Variants in CDH13 observed in about 807,000 individuals in gnomAD.
CDH13 encodes cadherin 13, also known as cadherin-13.
In CDH13, 24 loss-of-function variants were observed where a neutral mutation model predicts 63.8. The observed-to-expected ratio is 0.38, with a 90% CI of 0.27 to 0.53. CDH13 has a LOEUF of 0.53. CDH13 is among the 20% of genes least tolerant of loss of function. The pLI, the probability that CDH13 is intolerant of heterozygous loss-of-function variation, is 0.85. For missense variants in CDH13, 1,049 were observed against 903.1 expected, an observed-to-expected ratio of 1.16 and a Z score of -2.07; for synonymous variants, 503 against 355.3, an observed-to-expected ratio of 1.42 and a Z score of -4.67.
At chr16:83,564,121 C>T (rs951971784) in intron 7 of CDH13, among the ~76,000 whole-genome samples, 6 of 152,150 alleles carry the variant, frequency 3.9e-5, no homozygotes, top group Admixed American at 2.0e-4. Context: ...AGTAAGTGTT[C>T]AACATCTGAG....
At chr16:83,706,878 A>G (rs149048107) in intron 10 of CDH13, among the ~76,000 whole-genome samples, 11 of 152,180 alleles carry the variant, frequency 7.2e-5, no homozygotes, top group African/African-American at 2.4e-4. Flanking sequence ...CTCTGAAAAC[A>G]TTGTACGCTC....
At chr16:83,513,432 T>G (rs1364866421) in intron 7 of CDH13, among the ~76,000 whole-genome samples, 1 of 152,160 alleles carries the variant, frequency 6.6e-6, no homozygotes, top group Non-Finnish European at 1.5e-5. Flanking sequence ...AGTTAGCATA[T>G]TAGTTTGTTC....
chr16:82,792,940 T>C (rs1438099909), intron 1 of CDH13, among the ~76,000 whole-genome samples: 3 of 152,210 alleles, frequency 2.0e-5, no homozygotes, highest in South Asian at 2.1e-4. Context: ...GACGACAGCA[T>C]TGGACTGTTA....
intron 7 of CDH13, among the ~76,000 whole-genome samples, chr16:83,576,674 C>A (rs1938920321): frequency 6.6e-6 from 1 of 152,198 alleles, no homozygotes; most frequent in Non-Finnish European, 1.5e-5. Flanking sequence ...TTGCTATTTT[C>A]TGTTGTTGCT....
At chr16:82,952,651 A>G (rs1905461136) in intron 2 of CDH13, among the ~76,000 whole-genome samples, 1 of 152,182 alleles carries the variant, frequency 6.6e-6, no homozygotes, top group Admixed American at 6.5e-5. Flanking sequence ...CAGATGATTC[A>G]ATTCTCATAC....
chr16:83,682,964 C>A lies in CDH13; in HGVS notation c.1538+4503C>A, dbSNP rs917254321. On this transcript the variant is annotated intron_variant, in intron 10 of 13. Transcript: ENST00000567109. ...CCCACTGAAACTTAGGAACGCACTTCCAGCTAAGTCCAACTCCTGGGCCAC... is the reference window on the plus strand; with the variant it reads ...CCCACTGAAACTTAGGAACGCACTTACAGCTAAGTCCAACTCCTGGGCCAC... Among the ~76,000 whole-genome samples the A allele has an allele frequency of 6.6e-5, 10 of 152,324 alleles. No homozygotes were observed. In the East Asian group the frequency reaches 1.7e-3, roughly 27 times the overall value.
intron 4 of CDH13, among the ~76,000 whole-genome samples, chr16:83,179,481 T>TAAAAAAAAAAAAAAAAAAAAAAAAAAAA (rs565547312): frequency 1.2e-4 from 8 of 69,080 alleles, no homozygotes; most frequent in South Asian, 4.8e-4. Flanking sequence ...CCGTCTCTAC[T>TAAAAAAAAAAAAAAAAAAAAAAAAAAAA]AAAAAAAAAA....
chr16:82,856,985 C>T (rs1357933079), intron 1 of CDH13, among the ~76,000 whole-genome samples: 1 of 152,194 alleles, frequency 6.6e-6, no homozygotes, highest in Non-Finnish European at 1.5e-5. Flanking sequence ...AATTTCCAAA[C>T]ACTCTCTTCT....
chr16:83,329,624 A>T (rs2090439878), intron 5 of CDH13, among the ~76,000 whole-genome samples: 1 of 152,104 alleles, frequency 6.6e-6, no homozygotes. Context: ...TGCTATTGTG[A>T]AACACATCTC....
intron 1 of CDH13, among the ~76,000 whole-genome samples, chr16:82,760,979 C>T (rs2034816170): frequency 6.7e-6 from 1 of 149,518 alleles, no homozygotes; most frequent in African/African-American, 2.5e-5. Context: ...CTCCCACCAG[C>T]CTCCACCTCC....
rs911668655 is a variant in CDH13 at position 83,147,706 on chromosome 16, G to A, written c.483+22205G>A. 7.9e-5 allele frequency among the ~76,000 whole-genome samples: 12 copies of A among 151,914 alleles called. No individual in the cohort carries two copies. In the South Asian group the frequency reaches 8.3e-4, roughly 11 times the overall value. On this transcript the variant is annotated intron_variant, in intron 4 of 13. Coordinates refer to ENST00000567109, the MANE Select transcript of CDH13 (RefSeq NM_001257.5). ...TCCTTTGCCTTTCCACCCCACTTGC[G>A]TTCCACCCCTAGGTTGCTACACATT... is the stretch of plus-strand genomic sequence containing the variant.
At chr16:83,350,304 G>A (rs1195263026) in intron 6 of CDH13, among the ~76,000 whole-genome samples, 2 of 152,202 alleles carry the variant, frequency 1.3e-5, no homozygotes, top group Non-Finnish European at 2.9e-5. Context: ...GGGCAGCTTT[G>A]AGAAAGATAG....
At chr16:82,998,030 G>T (rs1051849178) in intron 2 of CDH13, among the ~76,000 whole-genome samples, 1 of 152,174 alleles carries the variant, frequency 6.6e-6, no homozygotes, top group Non-Finnish European at 1.5e-5. Context: ...GAATCTCAGA[G>T]TTGAGCACTC....
chr16:83,162,783 A>G (rs1432439693), intron 4 of CDH13, among the ~76,000 whole-genome samples: 4 of 151,994 alleles, frequency 2.6e-5, no homozygotes, highest in African/African-American at 9.7e-5. Flanking sequence ...TTTGTGGCAA[A>G]CTCCCCAGGT....
intron 3 of CDH13, among the ~76,000 whole-genome samples, chr16:83,063,719 GT>G (rs1454535401): frequency 6.6e-6 from 1 of 152,158 alleles, no homozygotes; most frequent in Non-Finnish European, 1.5e-5. Context: ...TTCTGTTTTA[GT>G]TTTGGAGGCC....
chr16:82,656,854 T>G (rs1046303235), intron 1 of CDH13, among the ~76,000 whole-genome samples: 4 of 152,112 alleles, frequency 2.6e-5, no homozygotes, highest in Non-Finnish European at 5.9e-5. Context: ...CTTTTCAAAT[T>G]AGCTTCCTTC....
intron 7 of CDH13, among the ~76,000 whole-genome samples, chr16:83,526,637 G>C (rs951226479): frequency 6.6e-6 from 1 of 152,198 alleles, no homozygotes; most frequent in Non-Finnish European, 1.5e-5. Flanking sequence ...ACTAGTTCTG[G>C]TCCGTGGCCC....
chr16:83,489,327 A>G (rs1410328872), intron 7 of CDH13, among the ~76,000 whole-genome samples: 1 of 152,190 alleles, frequency 6.6e-6, no homozygotes, highest in Non-Finnish European at 1.5e-5. Context: ...TAGTCACAAA[A>G]CATCAACAGC....
At chr16:83,385,479 G>C (rs1054649962) in intron 6 of CDH13, among the ~76,000 whole-genome samples, 6 of 152,146 alleles carry the variant, frequency 3.9e-5, no homozygotes, top group African/African-American at 1.2e-4. Context: ...CTATGCTGTA[G>C]TAACAAGAAA....
Sources: allele counts gnomAD v4.1 joint callset (sites outside exome capture counted in the v4.1 genomes callset), GRCh38; gene constraint gnomAD v4.1.1; transcripts MANE v1.5; gene names NCBI Gene and HGNC (gene_info 2026-07-23, HGNC 2026-07-21).